The following OMA1 variants were observed in gnomAD, a reference collection of about 807,000 sequenced individuals.
OMA1 encodes OMA1 zinc metallopeptidase.
In OMA1, 38 loss-of-function variants were observed where a neutral mutation model predicts 30.9. The observed-to-expected ratio is 1.23, with a 90% CI of 0.95 to 1.61. OMA1 has a LOEUF of 1.61. OMA1 is among the 40% of genes most tolerant of loss of function. The pLI, the probability that OMA1 is intolerant of heterozygous loss-of-function variation, is 0.00. For missense variants in OMA1, 461 were observed against 349.2 expected (o/e 1.32, Z -2.55); for synonymous variants, 173 against 121.9 (o/e 1.42, Z -2.76).
At chr1:58,519,281 T>A (rs921764298) in intron 7 of OMA1, among the ~76,000 whole-genome samples, 4 of 152,148 alleles carry the variant, frequency 2.6e-5, no homozygotes, top group African/African-American at 9.7e-5. Context: ...TATTTAGGGG[T>A]TACATGAGAT....
chr1:58,525,699 T>C (rs778511897), intron 7 of OMA1, among the ~76,000 whole-genome samples: 3 of 152,282 alleles, frequency 2.0e-5, no homozygotes, highest in Non-Finnish European at 2.9e-5. Flanking sequence ...TTTTTCTATG[T>C]ATGTATAATT....
intron 8 of OMA1, among the ~76,000 whole-genome samples, chr1:58,505,839 T>C (rs1334952634): frequency 6.6e-6 from 1 of 152,186 alleles, no homozygotes; most frequent in East Asian, 1.9e-4. Flanking sequence ...ACCTTCACTA[T>C]TAAGAAAAGT....
chr1:58,544,891 G>A (rs1373614688), intron 1 of OMA1, among the ~76,000 whole-genome samples: 1 of 152,152 alleles, frequency 6.6e-6, no homozygotes. Context: ...ACCGCACCTG[G>A]CCAGCCCAGC....
intron 7 of OMA1, among the ~76,000 whole-genome samples, chr1:58,522,786 ATGT>A (rs750926797): frequency 1.3e-5 from 2 of 152,220 alleles, no homozygotes; most frequent in Non-Finnish European, 2.9e-5. Context: ...AGAAAGGAAA[ATGT>A]TATTAAGAAA....
At chr1:58,532,944 T>C (rs1646457819) in intron 5 of OMA1, among the ~76,000 whole-genome samples, 2 of 152,340 alleles carry the variant, frequency 1.3e-5, no homozygotes, top group Non-Finnish European at 2.9e-5. Context: ...AAGGAACAGG[T>C]AGAATTTGAG....
rs1368160314 is a variant in OMA1 at position 58,506,263 on chromosome 1, A to T, written c.1216-54T>A. Reference sequence around the variant, plus strand: ...ATGAGCTCAGTTTTGAGGATTTTTTAAAAACTACTACTTTATTTTTTTTTA... The same window carrying T: ...ATGAGCTCAGTTTTGAGGATTTTTTTAAAACTACTACTTTATTTTTTTTTA... On this transcript the variant is annotated intron_variant, in intron 7 of 8. Transcript: ENST00000371226. The T allele has an allele frequency of 6.3e-6, 5 of 797,094 alleles. No individual in the cohort carries two copies. The African/African-American group carries it at 6.9e-5, about 11-fold the overall frequency. The allele number at this position is 797,094 out of a possible 1,614,324, so 49.4% of individuals were successfully genotyped here.
intron 8 of OMA1, among the ~76,000 whole-genome samples, chr1:58,483,209 G>T (rs1470994511): frequency 6.6e-6 from 1 of 152,160 alleles, no homozygotes; most frequent in Non-Finnish European, 1.5e-5. Context: ...AAAGGGCCTT[G>T]TGTGAATGTG....
intron 7 of OMA1, among the ~76,000 whole-genome samples, chr1:58,508,726 A>T (rs1646027815): frequency 6.6e-6 from 1 of 152,130 alleles, no homozygotes; most frequent in Non-Finnish European, 1.5e-5. Context: ...TCTAGGGGCC[A>T]GTGATAATGT....
chr1:58,489,117 C>T (rs1399630252), intron 8 of OMA1, among the ~76,000 whole-genome samples: 1 of 152,266 alleles, frequency 6.6e-6, no homozygotes, highest in East Asian at 1.9e-4. Context: ...GTGCAGCGCA[C>T]CGAGCGTGAG....
At chr1:58,505,724 G>A (rs1645977537) in intron 8 of OMA1, among the ~76,000 whole-genome samples, 1 of 151,966 alleles carries the variant, frequency 6.6e-6, no homozygotes, top group South Asian at 2.1e-4. Flanking sequence ...AAATCACCAA[G>A]GAAAGATTAA....
rs202145163 is a variant in OMA1 at position 58,536,703 on chromosome 1, T to C, written c.539A>G (p.Lys180Arg). Residue 180 changes from lysine to arginine, a missense_variant, in exon 3 of 9, where the codon AAG (lysine) becomes AGG (arginine). Physicochemically the swap from Lys to Arg is conservative, Grantham distance 26. Coordinates refer to ENST00000371226, the MANE Select transcript of OMA1 (RefSeq NM_145243.5). ...TATATTTTCTTTAACTACTTCCTTC[T>C]TGTTAGGAGGAAGTGCCTGCCACCA... Reference protein sequence around the residue: ...RKWWQALPPNKKEVVKENIRK... With the variant: ...RKWWQALPPNRKEVVKENIRK... The C allele has an allele frequency of 3.6e-5, 31 of 872,646 alleles. No individual in the cohort carries two copies. The highest frequency in any genetic ancestry group is 5.6e-5 in the Non-Finnish European group (28 of 501,590). The allele number at this position is 872,646 out of a possible 1,614,324, so 54.1% of individuals were successfully genotyped here.
In OMA1 at chr1:58,489,723, G is replaced by A. The variant is rs534627407; in HGVS notation, c.1366-8549C>T. ...GGGCAGACTGACACCTCACAGGGCC[G>A]GGTACTCCTCTGAGACAAAACTTCC... is the stretch of plus-strand genomic sequence containing the variant. On this transcript the variant is annotated intron_variant, in intron 8 of 8. Coordinates refer to ENST00000371226, the MANE Select transcript of OMA1 (RefSeq NM_145243.5). 3.8e-3 allele frequency among the ~76,000 whole-genome samples: 585 copies of A among 152,246 alleles called. 2 individuals carry two copies. The highest frequency in any genetic ancestry group is 0.013 in the African/African-American group (559 of 41,532).
At chr1:58,521,035 C>T (rs1487143967) in intron 7 of OMA1, among the ~76,000 whole-genome samples, 1 of 152,178 alleles carries the variant, frequency 6.6e-6, no homozygotes, top group Non-Finnish European at 1.5e-5. Flanking sequence ...AAATTGATCA[C>T]ATCCTGAGCC....
At chr1:58,545,226 C>T (rs1395193939) in intron 1 of OMA1, among the ~76,000 whole-genome samples, 1 of 152,196 alleles carries the variant, frequency 6.6e-6, no homozygotes, top group Non-Finnish European at 1.5e-5. Context: ...CACTGCTTAG[C>T]TCTGCACATG....
At chr1:58,519,274 T>C (rs1646223284) in intron 7 of OMA1, among the ~76,000 whole-genome samples, 1 of 152,154 alleles carries the variant, frequency 6.6e-6, no homozygotes, top group Admixed American at 6.5e-5. Context: ...GGTTATATAT[T>C]TAGGGGTTAC....
intron 7 of OMA1, among the ~76,000 whole-genome samples, chr1:58,512,601 G>A (rs563580657): frequency 2.6e-5 from 4 of 152,188 alleles, no homozygotes; most frequent in South Asian, 2.1e-4. Flanking sequence ...GCAACAATAC[G>A]GATAAACCTT....
chr1:58,495,414 TATA>T (rs903443511), intron 8 of OMA1, among the ~76,000 whole-genome samples: 6 of 151,792 alleles, frequency 4.0e-5, no homozygotes, highest in South Asian at 2.1e-4. Context: ...AAACTTAAAG[TATA>T]ATAATAATAA....
intron 7 of OMA1, among the ~76,000 whole-genome samples, chr1:58,526,856 G>C (rs1343164083): frequency 6.6e-6 from 1 of 152,070 alleles, no homozygotes; most frequent in Non-Finnish European, 1.5e-5. Context: ...GCTTTCCAGA[G>C]GGACAAATGT....
Position 58,527,277 on chromosome 1 carries a change from A to G in OMA1, c.1199T>C (p.Leu400Pro), listed in dbSNP as rs1180991514. ...KLEAEADKIG[L>P]LLAAKACADI... ...ACACTTTACCTTTGCAGCAAGCAGTAGTCCAATTTTGTCAGCTTCGGCCTC... is the reference window on the plus strand; with the variant it reads ...ACACTTTACCTTTGCAGCAAGCAGTGGTCCAATTTTGTCAGCTTCGGCCTC... The change falls in exon 7 of 9, where the codon CTA becomes CCA. Residue 400 changes from leucine to proline, a missense_variant. Leu to Pro is a moderately conservative substitution (Grantham distance 98). Coordinates refer to ENST00000371226, the MANE Select transcript of OMA1 (RefSeq NM_145243.5). 1 of 872,358 alleles carries G rather than the reference A, an allele frequency of 1.1e-6. No homozygotes were observed. The highest frequency in any genetic ancestry group is 2.0e-6 in the Non-Finnish European group (1 of 501,268). 54.0% of individuals were successfully genotyped at this position (872,358 alleles called of 1,614,324 possible). A position where few individuals can be genotyped will look rare whatever the true frequency, so the allele number is the denominator to read the frequency against.
Sources: allele counts gnomAD v4.1 joint callset (sites outside exome capture counted in the v4.1 genomes callset), GRCh38; gene constraint gnomAD v4.1.1; transcripts MANE v1.5; gene names NCBI Gene and HGNC (gene_info 2026-07-23, HGNC 2026-07-21).